PCDH15: variants seen among roughly 807,000 people sequenced by gnomAD.
The protein encoded by PCDH15 is protocadherin related 15.
PCDH15 carries 129 observed loss-of-function variants against 178.5 expected under a neutral mutation model. That is an observed-to-expected ratio of 0.72 (90% CI 0.63 to 0.84). The LOEUF is 0.84. Ranked by LOEUF, PCDH15 falls within the 40% of genes least tolerant of loss-of-function variation. The pLI is 0.00. For synonymous variants in PCDH15, 800 were observed against 732.0 expected (o/e 1.09, Z -1.50); for missense variants, 2,230 against 2,099.9 (o/e 1.06, Z -1.21).
At chr10:55,478,576 T>C (rs1840108676) in intron 2 of PCDH15, among the ~76,000 whole-genome samples, 1 of 151,290 alleles carries the variant, frequency 6.6e-6, no homozygotes, top group Non-Finnish European at 1.5e-5. Flanking sequence ...GGAGCTAATG[T>C]TGTACCTCAA....
At position 54,717,478 on chromosome 10, in the gene PCDH15, G is replaced by A. The variant is rs558376076; in HGVS notation, c.-28-53188C>T. On this transcript the variant is annotated intron_variant, in intron 1 of 37. Transcript: ENST00000644397. ...CATGAACAGACACTTCCCAAAAGAAGATATTTATGCAGCCAAAAAACGCAT... is the reference window on the plus strand; with the variant it reads ...CATGAACAGACACTTCCCAAAAGAAAATATTTATGCAGCCAAAAAACGCAT... Among the ~76,000 whole-genome samples the A allele has an allele frequency of 2.5e-4, 37 of 146,466 alleles. 4 individuals carry two copies. Among genetic ancestry groups the A allele is most frequent in the African/African-American group, 9.0e-4 (35 of 38,696 alleles).
chr10:55,135,254 ATCTGAC>A (rs1326917250), intron 2 of PCDH15, among the ~76,000 whole-genome samples: 4 of 152,150 alleles, frequency 2.6e-5, no homozygotes, highest in Non-Finnish European at 4.4e-5. Flanking sequence ...ATAACAACGG[ATCTGAC>A]TCTATTTCTG....
intron 2 of PCDH15, among the ~76,000 whole-genome samples, chr10:54,650,095 G>A (rs2094220857): frequency 6.6e-6 from 1 of 152,150 alleles, no homozygotes; most frequent in Admixed American, 6.5e-5. Context: ...TAAAGGGAAA[G>A]ATGGACATTA....
In PCDH15 at chr10:53,941,116, C is replaced by T; in HGVS notation, c.3123-141G>A. 3 of 644,016 alleles carry T rather than the reference C, an allele frequency of 4.7e-6. No homozygotes were observed. In the South Asian group the frequency reaches 5.4e-5, roughly 12 times the overall value. The allele number at this position is 644,016 out of a possible 1,614,324, so 39.9% of individuals were successfully genotyped here. On this transcript the variant is annotated intron_variant, in intron 23 of 37. Transcript: ENST00000644397. ...ACACATTCATGGCCTCCTCCATGATCAAATCCCCCACCCAACTGCTACCTT... is the reference window on the plus strand; with the variant it reads ...ACACATTCATGGCCTCCTCCATGATTAAATCCCCCACCCAACTGCTACCTT...
At chr10:54,709,370 A>G (rs1396081998) in intron 1 of PCDH15, among the ~76,000 whole-genome samples, 1 of 152,028 alleles carries the variant, frequency 6.6e-6, no homozygotes, top group East Asian at 1.9e-4. Flanking sequence ...ATTATTATAC[A>G]TTAATGAAGA....
intron 2 of PCDH15, among the ~76,000 whole-genome samples, chr10:55,384,003 G>A (rs1427513105): frequency 6.6e-6 from 1 of 152,100 alleles, no homozygotes; most frequent in Non-Finnish European, 1.5e-5. Context: ...TAAAAGCATT[G>A]AATTTTTCAT....
chr10:54,994,544 T>G (rs1032730976), intron 2 of PCDH15, among the ~76,000 whole-genome samples: 1 of 152,158 alleles, frequency 6.6e-6, no homozygotes, highest in Non-Finnish European at 1.5e-5. Flanking sequence ...TTGTTGATAG[T>G]TTTATTTTCA....
chr10:55,339,475 G>T (rs1844491341), intron 2 of PCDH15, among the ~76,000 whole-genome samples: 2 of 152,128 alleles, frequency 1.3e-5, no homozygotes. Context: ...TAACAGCATA[G>T]TGGAAATACA....
intron 2 of PCDH15, among the ~76,000 whole-genome samples, chr10:55,059,706 A>G (rs1385878447): frequency 6.6e-6 from 1 of 152,106 alleles, no homozygotes; most frequent in South Asian, 2.1e-4. Context: ...ACTGACATTA[A>G]TCTATATTTG....
At chr10:53,904,399 G>A (rs950854100) in intron 25 of PCDH15, among the ~76,000 whole-genome samples, 2 of 151,182 alleles carry the variant, frequency 1.3e-5, no homozygotes, top group Non-Finnish European at 2.9e-5. Flanking sequence ...TACATCATGG[G>A]TATACATTTG....
intron 2 of PCDH15, among the ~76,000 whole-genome samples, chr10:55,079,477 C>T (rs1346490414): frequency 1.3e-5 from 2 of 152,098 alleles, no homozygotes; most frequent in Non-Finnish European, 2.9e-5. Flanking sequence ...AGTCTTTAGC[C>T]CCAGTCATGA....
intron 3 of PCDH15, among the ~76,000 whole-genome samples, chr10:54,465,669 T>A (rs147781388): frequency 6.6e-6 from 1 of 152,168 alleles, no homozygotes; most frequent in East Asian, 1.9e-4. Context: ...TGATTCCATA[T>A]CTCTGTTATT....
intron 8 of PCDH15, among the ~76,000 whole-genome samples, chr10:54,293,564 C>G (rs550872558): frequency 6.6e-6 from 1 of 152,092 alleles, no homozygotes; most frequent in African/African-American, 2.4e-5. Flanking sequence ...TTGCAATCTA[C>G]CCATCTGACA....
chr10:54,646,987 G>A (rs2094143376), intron 2 of PCDH15, among the ~76,000 whole-genome samples: 1 of 151,982 alleles, frequency 6.6e-6, no homozygotes, highest in South Asian at 2.1e-4. Flanking sequence ...CTACTTCTAG[G>A]TATTCATCCA....
intron 1 of PCDH15, among the ~76,000 whole-genome samples, chr10:55,287,594 C>T (rs1486379635): frequency 6.6e-6 from 1 of 152,034 alleles, no homozygotes; most frequent in Non-Finnish European, 1.5e-5. Context: ...AAGCTTTGAG[C>T]ACTATGCTAG....
rs138409340 is a variant in PCDH15 at position 54,924,410 on chromosome 10, T to A, written c.-79-26910A>T. Among the ~76,000 whole-genome samples the A allele has an allele frequency of 8.7e-5, 12 of 138,162 alleles. 2 individuals carry two copies. Among genetic ancestry groups the A allele is most frequent in the Admixed American group, 2.1e-4 (3 of 14,108 alleles). The allele number at this position is 138,162 out of a possible 152,430, so 90.6% of individuals were successfully genotyped here. ...CATACTACAGAACTAAATATACACATGCATGTGTCTTTATGACTGGACAAT... is the reference window on the plus strand; with the variant it reads ...CATACTACAGAACTAAATATACACAAGCATGTGTCTTTATGACTGGACAAT... On this transcript the variant is annotated intron_variant, in intron 2 of 5. Transcript: ENST00000458638.
chr10:54,134,197 A>T (rs114290911), intron 14 of PCDH15, among the ~76,000 whole-genome samples: 2,496 of 132,516 alleles, frequency 0.019, 323 homozygotes, highest in African/African-American at 0.062. Flanking sequence ...GCCTGTGTCA[A>T]AATATCTGGC....
intron 2 of PCDH15, among the ~76,000 whole-genome samples, chr10:55,083,363 T>C (rs1842090567): frequency 6.6e-6 from 1 of 151,826 alleles, no homozygotes; most frequent in Non-Finnish European, 1.5e-5. Flanking sequence ...TTTGACATTA[T>C]TTTATAATTT....
At chr10:55,232,975 T>C (rs1841268373) in intron 1 of PCDH15, among the ~76,000 whole-genome samples, 2 of 152,136 alleles carry the variant, frequency 1.3e-5, no homozygotes, top group Non-Finnish European at 2.9e-5. Flanking sequence ...AACTATGAGA[T>C]AGTAAATGTT....
Sources: allele counts gnomAD v4.1 joint callset (sites outside exome capture counted in the v4.1 genomes callset), GRCh38; gene constraint gnomAD v4.1.1; transcripts MANE v1.5; gene names NCBI Gene and HGNC (gene_info 2026-07-23, HGNC 2026-07-21).